The following EPHA5 variants were observed in gnomAD, a reference collection of about 807,000 sequenced individuals.
EPHA5 encodes EPH receptor A5, also known as ephrin type-A receptor 5.
A neutral mutation model predicts 105.0 loss-of-function variants in EPHA5; 60 were observed. The observed-to-expected ratio is 0.57, with a 90% CI of 0.46 to 0.71. The LOEUF is 0.71. Ranked by LOEUF, EPHA5 falls within the 30% of genes least tolerant of loss-of-function variation. The pLI, the probability that EPHA5 is intolerant of heterozygous loss-of-function variation, is 0.00. For missense variants in EPHA5, 1,218 were observed against 1,274.7 expected, an observed-to-expected ratio of 0.96 and a Z score of 0.68; for synonymous variants, 513 against 449.1, an observed-to-expected ratio of 1.14 and a Z score of -1.80.
At chr4:65,561,841 A>G (rs1486285899) in intron 3 of EPHA5, among the ~76,000 whole-genome samples, 4 of 152,110 alleles carry the variant, frequency 2.6e-5, no homozygotes, top group African/African-American at 7.2e-5. Context: ...TTGATATACC[A>G]GAAAATTGAA....
chr4:65,391,243 C>T (rs1560485796), intron 8 of EPHA5, among the ~76,000 whole-genome samples: 1 of 151,976 alleles, frequency 6.6e-6, no homozygotes, highest in Non-Finnish European at 1.5e-5. Context: ...GACACAAAGC[C>T]TAACCATATC....
At chr4:65,469,017 C>T (rs987011443) in intron 5 of EPHA5, among the ~76,000 whole-genome samples, 9 of 151,994 alleles carry the variant, frequency 5.9e-5, no homozygotes, top group East Asian at 5.8e-4. Flanking sequence ...CTATCTTAAA[C>T]GGGCCCTTGA....
At chr4:65,577,344 T>A (rs575332779) in intron 3 of EPHA5, among the ~76,000 whole-genome samples, 2 of 152,146 alleles carry the variant, frequency 1.3e-5, no homozygotes, top group Non-Finnish European at 2.9e-5. Context: ...CTTTCATCTA[T>A]GTTTTCCAGG....
intron 2 of EPHA5, among the ~76,000 whole-genome samples, chr4:65,635,044 T>C (rs1222534208): frequency 6.6e-6 from 1 of 152,098 alleles, no homozygotes; most frequent in East Asian, 1.9e-4. Context: ...CAGCTTAAGT[T>C]CTTCTTGATT....
chr4:65,432,316 C>T (rs1025948318), intron 5 of EPHA5, among the ~76,000 whole-genome samples: 2 of 152,048 alleles, frequency 1.3e-5, no homozygotes, highest in Non-Finnish European at 2.9e-5. Context: ...GTAATGTTTG[C>T]AAATGTAGAA....
chr4:65,414,802 C>A, intron 6 of EPHA5, among the ~76,000 whole-genome samples: 1 of 152,128 alleles, frequency 6.6e-6, no homozygotes. Context: ...TATAGTTAAT[C>A]GGAGCATGTC....
intron 5 of EPHA5, among the ~76,000 whole-genome samples, chr4:65,490,153 T>C (rs1468270173): frequency 6.6e-6 from 1 of 152,190 alleles, no homozygotes; most frequent in Non-Finnish European, 1.5e-5. Flanking sequence ...AATTAAAAAA[T>C]GTTTTGTTTT....
At chr4:65,484,920 T>A (rs555847789) in intron 5 of EPHA5, among the ~76,000 whole-genome samples, 2 of 152,190 alleles carry the variant, frequency 1.3e-5, no homozygotes, top group Non-Finnish European at 2.9e-5. Flanking sequence ...ATACATTTCA[T>A]AAGTCCTAAA....
At chr4:65,502,689 G>A (rs1045402499) in intron 3 of EPHA5, among the ~76,000 whole-genome samples, 1 of 151,818 alleles carries the variant, frequency 6.6e-6, no homozygotes, top group African/African-American at 2.4e-5. Context: ...GCAGTTTGGA[G>A]ATTTCTCAAA....
chr4:65,445,973 C>T (rs535959497), intron 5 of EPHA5, among the ~76,000 whole-genome samples: 1 of 152,112 alleles, frequency 6.6e-6, no homozygotes, highest in African/African-American at 2.4e-5. Context: ...TCTGGGCCAC[C>T]ACTATCTCTC....
rs1720328210 is a variant in EPHA5, at chr4:65,328,825, T to C, written c.2945+3148A>G. Among the ~76,000 whole-genome samples, 4 of 151,192 alleles carry C rather than the reference T, an allele frequency of 2.6e-5. No homozygotes were observed. The South Asian group carries it at 8.3e-4, about 31-fold the overall frequency. ...ACTGTAGGTACTCCTATGTGTACTT[T>C]AAGGGTATAATAAATCATGCATAAT... On this transcript the variant is annotated intron_variant, in intron 16 of 16. Transcript: ENST00000613740.
Position 65,643,444 on chromosome 4 carries a change from A to C in EPHA5, c.182-17T>G, listed in dbSNP as rs772583754. 3.6e-5 allele frequency: 57 copies of C among 1,604,582 alleles called. No individual in the cohort carries two copies. In the Admixed American group the frequency reaches 9.5e-4, roughly 27 times the overall value. ...ATAAATTCACTGAAAAGAAAAGAAC[A>C]AAAAACTCAGTGAAATGTATATTAT... On this transcript the variant is annotated splice_polypyrimidine_tract_variant and intron_variant, in intron 1 of 16. Coordinates refer to ENST00000613740, the MANE Select transcript of EPHA5 (RefSeq NM_001281766.3).
At chr4:65,325,448 A>G (rs2148780863) in intron 16 of EPHA5, among the ~76,000 whole-genome samples, 1 of 143,630 alleles carries the variant, frequency 7.0e-6, no homozygotes, top group East Asian at 2.0e-4. Flanking sequence ...AGTTTTAGGA[A>G]ATGGCAAGCA....
intron 8 of EPHA5, among the ~76,000 whole-genome samples, chr4:65,384,425 T>C (rs775279060): frequency 1.8e-4 from 27 of 151,964 alleles, no homozygotes; most frequent in Non-Finnish European, 3.7e-4. Context: ...TAGAACCTAA[T>C]AACTGCAAAC....
chr4:65,331,996 G>T lies in EPHA5; in HGVS notation c.2922C>A (p.Asp974Glu). Residue 974 changes from aspartate to glutamate, a missense_variant, in exon 16 of 17, where the codon GAC becomes GAA. Physicochemically the swap from Asp to Glu is conservative, Grantham distance 45. Transcript: ENST00000613740. Reference sequence around the variant, plus strand: ...ACTCCAAGGTCACCTGAGCCACAGCGTCCATTGAACTGTATCCATTTTCCA... The same window carrying T: ...ACTCCAAGGTCACCTGAGCCACAGCTTCCATTGAACTGTATCCATTTTCCA... ...IFMENGYSSM[D>E]AVAQVTLEDL... 2 of 1,608,192 alleles carry T rather than the reference G, an allele frequency of 1.2e-6. No individual in the cohort carries two copies. The highest frequency in any genetic ancestry group is 1.7e-6 in the Non-Finnish European group (2 of 1,177,414).
intron 3 of EPHA5, among the ~76,000 whole-genome samples, chr4:65,549,261 A>C (rs1737666628): frequency 6.6e-6 from 1 of 152,140 alleles, no homozygotes; most frequent in Admixed American, 6.6e-5. Context: ...GGCAACACAG[A>C]GCTGATCAAA....
chr4:65,496,305 T>C (rs538436104), intron 3 of EPHA5, among the ~76,000 whole-genome samples: 58 of 151,580 alleles, frequency 3.8e-4, no homozygotes, highest in Non-Finnish European at 6.8e-4. Flanking sequence ...TGTATACATG[T>C]GCCATGCTGG....
chr4:65,581,385 G>A (rs1465194147), intron 3 of EPHA5, among the ~76,000 whole-genome samples: 2 of 151,652 alleles, frequency 1.3e-5, no homozygotes, highest in African/African-American at 4.8e-5. Flanking sequence ...GAAGTCAAAA[G>A]ATTAGAGGGT....
intron 3 of EPHA5, among the ~76,000 whole-genome samples, chr4:65,588,232 T>C (rs1742306603): frequency 6.6e-6 from 1 of 152,158 alleles, no homozygotes; most frequent in Non-Finnish European, 1.5e-5. Context: ...CAACCCTTCT[T>C]CTTGCCTTAC....
Sources: allele counts gnomAD v4.1 joint callset (sites outside exome capture counted in the v4.1 genomes callset), GRCh38; gene constraint gnomAD v4.1.1; transcripts MANE v1.5; gene names NCBI Gene and HGNC (gene_info 2026-07-23, HGNC 2026-07-21).